The following EFL1 variants were observed in gnomAD, a reference collection of about 807,000 sequenced individuals.
The protein encoded by EFL1 is elongation factor like GTPase 1, also known as elongation factor-like GTPase 1.
A neutral mutation model predicts 126.7 loss-of-function variants in EFL1; 76 were observed. The ratio of observed to expected loss-of-function variants is 0.60; its 90% confidence interval spans 0.50 to 0.73. EFL1 has a LOEUF of 0.73. Ranked by LOEUF, EFL1 falls within the 30% of genes least tolerant of loss-of-function variation. The probability of loss-of-function intolerance (pLI) is 0.00; values close to 1 mark genes in which losing one functional copy is unlikely to be tolerated. For missense variants in EFL1, 1,128 were observed against 1,343.2 expected (o/e 0.84, Z 2.50); for synonymous variants, 410 against 448.4 (o/e 0.91, Z 1.08).
chr15:82,241,225 C>A, intron 5 of EFL1, 45 bp downstream of exon 5: 1 of 1,607,818 alleles, frequency 6.2e-7, no homozygotes, highest in East Asian at 2.2e-5. Context: ...CCCCCTCTTT[C>A]CTCACCCTTA....
intron 18 of EFL1, among the ~76,000 whole-genome samples, chr15:82,147,427 T>C (rs1329694523): frequency 6.6e-6 from 1 of 151,808 alleles, no homozygotes; most frequent in Non-Finnish European, 1.5e-5. Context: ...GCCAGGAGTT[T>C]GAGAGCAGCC....
intron 18 of EFL1, 145 bp from the exon 19 acceptor site, chr15:82,138,987 T>C: frequency 2.5e-6 from 2 of 787,714 alleles, no homozygotes; most frequent in Non-Finnish European, 3.6e-6. Context: ...CAAGGAACAC[T>C]TTTTAAGTGT....
intron 7 of EFL1, among the ~76,000 whole-genome samples, chr15:82,231,297 GC>G (rs763651439): frequency 2.6e-5 from 4 of 152,180 alleles, no homozygotes; most frequent in Non-Finnish European, 5.9e-5. Context: ...AGCTCCAGCT[GC>G]CTGTCACAAC....
intron 18 of EFL1, among the ~76,000 whole-genome samples, chr15:82,145,998 A>G (rs2073841817): frequency 6.6e-6 from 1 of 152,128 alleles, no homozygotes; most frequent in Non-Finnish European, 1.5e-5. Flanking sequence ...AAAAGAATTC[A>G]ATGACAAGCA....
intron 15 of EFL1, among the ~76,000 whole-genome samples, chr15:82,168,676 C>T (rs1301284001): frequency 6.6e-6 from 1 of 152,160 alleles, no homozygotes; most frequent in Non-Finnish European, 1.5e-5. Context: ...CCACGCCCGG[C>T]TAATTTTTTG....
At position 82,152,175 on chromosome 15, in the gene EFL1, T is replaced by C. The variant is rs574751669; in HGVS notation, c.2279A>G (p.Glu760Gly). 6.2e-7 allele frequency: 1 copy of C among 1,614,182 alleles called. No individual in the cohort carries two copies. The highest frequency in any genetic ancestry group is 1.7e-5 in the Admixed American group (1 of 60,010). ...TTCTTCCAGAATCTGGGTGACTTCT[T>C]CTGGAAGGGGCATGGCTCGAACACT... ...TLSVRAMPLP[E>G]EVTQILEENS... The change falls in exon 18 of 20, where the codon GAA becomes GGA. Residue 760 changes from glutamate to glycine, a missense_variant. Physicochemically the swap from Glu to Gly is moderately conservative, Grantham distance 98 (BLOSUM62 -2). This residue lies in a region of EFL1 where 561 missense variants were observed against 641.7 expected (regional missense o/e 0.87). Coordinates refer to ENST00000268206, the MANE Select transcript of EFL1 (RefSeq NM_024580.6).
chr15:82,260,630 T>C (rs1341550324), intron 2 of EFL1, among the ~76,000 whole-genome samples: 1 of 152,216 alleles, frequency 6.6e-6, no homozygotes, highest in African/African-American at 2.4e-5. Flanking sequence ...TTTAATCCTA[T>C]AGCCTATAAA....
intron 15 of EFL1, among the ~76,000 whole-genome samples, chr15:82,205,995 C>T (rs775347735): frequency 2.6e-5 from 4 of 152,202 alleles, no homozygotes; most frequent in Non-Finnish European, 4.4e-5. Context: ...GACAAGGGGA[C>T]TCCCACCTTC....
intron 4 of EFL1, among the ~76,000 whole-genome samples, chr15:82,244,185 C>A (rs2074950404): frequency 1.3e-5 from 2 of 152,074 alleles, no homozygotes; most frequent in African/African-American, 2.4e-5. Context: ...AGGTTGGGGA[C>A]AGAAGTCCCA....
chr15:82,220,124 T>A lies in EFL1; in HGVS notation c.1398A>T (p.Gln466His). The change falls in exon 13 of 20, where the codon CAA (glutamine) becomes CAT (histidine). Residue 466 changes from glutamine to histidine, a missense_variant. This residue lies in a region of EFL1 where 120 missense variants were observed against 142.1 expected (regional missense o/e 0.84). Transcript: ENST00000268206. ...GACATGTTTCAATGGCACTCCCATC[T>A]TGGGTGGGCTCCAAGGGTGCCTGTC... The part of the protein sequence containing the change: ...AQGQAPLEPT[Q>H]DGSAIETCPK... 1 of 1,613,700 alleles carries A rather than the reference T, an allele frequency of 6.2e-7. No homozygotes were observed. Among genetic ancestry groups the A allele is most frequent in the Non-Finnish European group, 8.5e-7 (1 of 1,179,810 alleles).
In EFL1 at chr15:82,229,028, T is replaced by C; in HGVS notation, c.932+6A>G. The C allele has an allele frequency of 6.2e-7, 1 of 1,605,638 alleles. No homozygotes were observed. Among genetic ancestry groups the C allele is most frequent in the Non-Finnish European group, 8.5e-7 (1 of 1,176,216 alleles). On this transcript the variant is annotated splice_donor_region_variant and intron_variant, in intron 9 of 19. Coordinates refer to ENST00000268206, the MANE Select transcript of EFL1 (RefSeq NM_024580.6). Reference sequence around the variant, plus strand: ...GATGCCTAAAGGTAAACAATAAGAGTCTTACTTTTTCAAAACAGCATCATA... The same window carrying C: ...GATGCCTAAAGGTAAACAATAAGAGCCTTACTTTTTCAAAACAGCATCATA...
At chr15:82,256,022 T>A (rs1029458751) in intron 3 of EFL1, among the ~76,000 whole-genome samples, 11 of 152,378 alleles carry the variant, frequency 7.2e-5, no homozygotes, top group African/African-American at 2.2e-4. Context: ...CAATATTTTT[T>A]AAATGTCATT....
chr15:82,191,786 T>A (rs2074362673), intron 15 of EFL1, among the ~76,000 whole-genome samples: 1 of 152,144 alleles, frequency 6.6e-6, no homozygotes, highest in Non-Finnish European at 1.5e-5. Context: ...AATTATGTGA[T>A]CAAATCTGAA....
chr15:82,214,152 T>C (rs1283924010), intron 15 of EFL1, among the ~76,000 whole-genome samples: 1 of 152,200 alleles, frequency 6.6e-6, no homozygotes, highest in Non-Finnish European at 1.5e-5. Flanking sequence ...AGAAATTTCT[T>C]AATCTGAGTC....
chr15:82,130,631 C>T, intron 19 of EFL1, 70 bp from the exon 20 acceptor site: 2 of 1,519,206 alleles, frequency 1.3e-6, no homozygotes, highest in Non-Finnish European at 9.0e-7. Flanking sequence ...CACTGAGCTC[C>T]CCAATTTATA....
intron 15 of EFL1, among the ~76,000 whole-genome samples, chr15:82,207,876 C>T (rs58227679): frequency 0.12 from 18,652 of 152,048 alleles, 2,331 homozygotes; most frequent in African/African-American, 0.32. Flanking sequence ...GCACCCGCCA[C>T]ACACCCAGCT....
In EFL1 at chr15:82,214,996, G is replaced by A. The variant is rs1416938427; in HGVS notation, c.1612-141C>T. ...ACCTGAAATATGAACATTTGAAATGGTGTGATAAAATATGCCTCACTTTAT... is the reference window on the plus strand; with the variant it reads ...ACCTGAAATATGAACATTTGAAATGATGTGATAAAATATGCCTCACTTTAT... On this transcript the variant is annotated intron_variant, in intron 14 of 19. Transcript: ENST00000268206. 5 of 705,848 alleles carry A rather than the reference G, an allele frequency of 7.1e-6. No individual in the cohort carries two copies. The East Asian group carries it at 9.9e-5, about 14-fold the overall frequency. 43.7% of individuals were successfully genotyped at this position (705,848 alleles called of 1,614,324 possible).
In EFL1 at chr15:82,138,785, T is replaced by C; in HGVS notation, c.3047A>G (p.Lys1016Arg). ...REGRVLQEEM[K>R]EGTDMFIIKA... ...GATGATGAACATGTCTGTCCCTTCT[T>C]TCATTTCTTCTTGAAGTACCCGACC... The change falls in exon 19 of 20, where the codon AAA (lysine) becomes AGA (arginine). Residue 1016 changes from lysine (K) to arginine (R), a missense_variant. Transcript: ENST00000268206. 6.2e-7 allele frequency: 1 copy of C among 1,614,004 alleles called. No homozygotes were observed. Among genetic ancestry groups the C allele is most frequent in the Non-Finnish European group, 8.5e-7 (1 of 1,179,898 alleles).
chr15:82,134,222 A>C lies in EFL1; in HGVS notation c.3175-3661T>G, dbSNP rs55889202. 6.9e-3 allele frequency among the ~76,000 whole-genome samples: 1,050 copies of C among 152,300 alleles called. 10 individuals carry two copies. Among genetic ancestry groups the C allele is most frequent in the Non-Finnish European group, 8.1e-3 (552 of 68,032 alleles). On this transcript the variant is annotated intron_variant, in intron 19 of 19. Coordinates refer to ENST00000268206, the MANE Select transcript of EFL1 (RefSeq NM_024580.6). ...CAAACTCTGAGAACAGGGGAGATGG[A>C]GTAACACTCGAGTGCTCGAGGCTGG... is the stretch of plus-strand genomic sequence containing the variant.
Sources: gnomAD v4.1 joint callset for allele counts (sites outside exome capture counted in the v4.1 genomes callset) on GRCh38, gnomAD v4.1.1 for gene constraint, gnomAD v4.1.1 regional missense constraint, MANE v1.5 for transcripts, NCBI Gene and HGNC (gene_info 2026-07-23, HGNC 2026-07-21) for gene names.